The following ATRNL1 variants were observed in gnomAD, a reference collection of about 807,000 sequenced individuals.
ATRNL1 encodes the protein attractin-like protein 1.
A neutral mutation model predicts 182.7 loss-of-function variants in ATRNL1; 95 were observed. The observed-to-expected ratio is 0.52, with a 90% CI of 0.44 to 0.62. The LOEUF (loss-of-function observed/expected upper bound fraction) is 0.62, where lower values mean the gene tolerates loss of function less well. Ranked by LOEUF, ATRNL1 falls within the 20% of genes least tolerant of loss-of-function variation. The probability of loss-of-function intolerance (pLI) is 0.00; values close to 1 mark genes in which losing one functional copy is unlikely to be tolerated. For missense variants in ATRNL1, 1,471 were observed against 1,679.5 expected, an observed-to-expected ratio of 0.88 and a Z score of 2.17; for synonymous variants, 576 against 568.3, an observed-to-expected ratio of 1.01 and a Z score of -0.19.
rs1554987109 is a variant in ATRNL1 at position 115,527,980 on chromosome 10, CCCTCCCTCCCTCCCTCCCTT to C, written c.3716+8660_3716+8679del. Among the ~76,000 whole-genome samples the C allele has an allele frequency of 2.4e-3, 51 of 21,530 alleles. 1 individual carries two copies. Among genetic ancestry groups the C allele is most frequent in the Non-Finnish European group, 4.1e-3 (47 of 11,518 alleles). The allele number at this position is 21,530 out of a possible 152,430, so 14.1% of individuals were successfully genotyped here. On this transcript the variant is annotated intron_variant, in intron 25 of 28. Transcript: ENST00000355044. ...TCCTTCCCTCCCTCCCTCCTTCCCTCCCTCCCTCCCTCCCTCCCTTCCTTCCTTCCTTCCTTCCTTCCTTC... is the reference window on the plus strand; with the variant it reads ...TCCTTCCCTCCCTCCCTCCTTCCCTCCCTTCCTTCCTTCCTTCCTTCCTTC...
At chr10:115,672,254 A>G (rs1555041623) in intron 26 of ATRNL1, among the ~76,000 whole-genome samples, 2 of 152,082 alleles carry the variant, frequency 1.3e-5, no homozygotes. Context: ...AATATTAGAA[A>G]AAGGAAGCTC....
At chr10:115,560,530 A>T (rs140661582) in intron 26 of ATRNL1, among the ~76,000 whole-genome samples, 1 of 152,112 alleles carries the variant, frequency 6.6e-6, no homozygotes, top group African/African-American at 2.4e-5. Context: ...ACCTAAATAA[A>T]TGGAAAGATA....
chr10:115,761,096 C>G (rs1169185289), intron 27 of ATRNL1, among the ~76,000 whole-genome samples: 2 of 94,472 alleles, frequency 2.1e-5, no homozygotes, highest in African/African-American at 7.2e-5. Flanking sequence ...AAAGACTGCA[C>G]TGTTGGAGCT....
intron 28 of ATRNL1, among the ~76,000 whole-genome samples, chr10:115,887,291 T>C (rs1009154265): frequency 5.5e-5 from 8 of 145,042 alleles, no homozygotes; most frequent in African/African-American, 2.3e-4. Flanking sequence ...GAGCTGCTAT[T>C]ACAAAATATT....
intron 28 of ATRNL1, among the ~76,000 whole-genome samples, chr10:115,933,131 C>T (rs1295831341): frequency 6.6e-5 from 10 of 152,220 alleles, no homozygotes; most frequent in African/African-American, 2.4e-4. Context: ...TATGGTGGGA[C>T]TTCCAATTAG....
chr10:115,834,364 A>AT (rs1950622728), intron 27 of ATRNL1, among the ~76,000 whole-genome samples: 1 of 151,900 alleles, frequency 6.6e-6, no homozygotes. Context: ...TATACCTGTA[A>AT]TTTTTTCTGA....
chr10:115,525,494 A>G (rs1451165033), intron 25 of ATRNL1, among the ~76,000 whole-genome samples: 1 of 152,182 alleles, frequency 6.6e-6, no homozygotes, highest in African/African-American at 2.4e-5. Flanking sequence ...CCTCCTTATA[A>G]TACTGGTGCC....
chr10:115,323,928 C>T (rs1453783977), intron 18 of ATRNL1, among the ~76,000 whole-genome samples: 1 of 151,846 alleles, frequency 6.6e-6, no homozygotes, highest in Non-Finnish European at 1.5e-5. Context: ...CAGGCGCCTG[C>T]CACGACGCCT....
intron 5 of ATRNL1, among the ~76,000 whole-genome samples, chr10:115,133,692 C>T (rs542762772): frequency 2.0e-5 from 3 of 152,240 alleles, no homozygotes; most frequent in African/African-American, 4.8e-5. Flanking sequence ...CTGCACCAAG[C>T]GGACCTAATA....
At chr10:115,189,037 T>C (rs1168208359) in intron 8 of ATRNL1, among the ~76,000 whole-genome samples, 1 of 152,172 alleles carries the variant, frequency 6.6e-6, no homozygotes, top group African/African-American at 2.4e-5. Context: ...AGTTATGCCA[T>C]GCACAATATT....
intron 17 of ATRNL1, among the ~76,000 whole-genome samples, chr10:115,306,840 T>C (rs1052771085): frequency 3.3e-5 from 5 of 152,208 alleles, no homozygotes; most frequent in Non-Finnish European, 7.3e-5. Context: ...AATATAATTA[T>C]ACAGTGCAAA....
chr10:115,213,161 CAG>C (rs1491129738), intron 8 of ATRNL1, among the ~76,000 whole-genome samples: 4 of 151,958 alleles, frequency 2.6e-5, no homozygotes, highest in South Asian at 2.1e-4. Context: ...GTCGGTATGA[CAG>C]GGAGTTTTTG....
intron 26 of ATRNL1, among the ~76,000 whole-genome samples, chr10:115,693,035 A>G (rs1555048678): frequency 6.6e-6 from 1 of 152,114 alleles, no homozygotes; most frequent in Non-Finnish European, 1.5e-5. Context: ...TGACATATTT[A>G]TGTACTGAAG....
Position 115,549,611 on chromosome 10 carries a change from C to A in ATRNL1, c.3795+75C>A, listed in dbSNP as rs541891624. Reference sequence around the variant, plus strand: ...TGGATCTCTATTGTCTGTTAATTACCATGCTCTCTTGGAATGCAGAATTTC... The same window carrying A: ...TGGATCTCTATTGTCTGTTAATTACAATGCTCTCTTGGAATGCAGAATTTC... On this transcript the variant is annotated intron_variant, in intron 26 of 28. Coordinates refer to ENST00000355044, the MANE Select transcript of ATRNL1 (RefSeq NM_207303.4). 6.1e-5 allele frequency: 60 copies of A among 983,298 alleles called. No individual in the cohort carries two copies. The South Asian group carries it at 1.1e-3, about 18-fold the overall frequency. 60.9% of individuals were successfully genotyped at this position (983,298 alleles called of 1,614,324 possible).
At chr10:115,702,506 T>C (rs1336882137) in intron 26 of ATRNL1, among the ~76,000 whole-genome samples, 1 of 151,744 alleles carries the variant, frequency 6.6e-6, no homozygotes, top group African/African-American at 2.4e-5. Flanking sequence ...AATTCTATAC[T>C]TAGGAAACAC....
chr10:115,841,805 G>A (rs17093672), intron 27 of ATRNL1, among the ~76,000 whole-genome samples: 18,384 of 151,828 alleles, frequency 0.12, 3,482 homozygotes, highest in African/African-American at 0.41. Context: ...CAATGGAATC[G>A]GAGAATCTGT....
chr10:115,334,282 C>A lies in ATRNL1; in HGVS notation c.3038C>A (p.Ala1013Asp). The A allele has an allele frequency of 6.6e-7, 1 of 1,517,546 alleles. No homozygotes were observed. Among genetic ancestry groups the A allele is most frequent in the Non-Finnish European group, 8.9e-7 (1 of 1,118,660 alleles). The allele number at this position is 1,517,546 out of a possible 1,614,324, so 94.0% of individuals were successfully genotyped here. ...TAATGCTTTTTACTGTTTCCTTTAG[C>A]TTGCCAGTGTAATGGACATAGCACT... is the stretch of plus-strand genomic sequence containing the variant. ...NYEWSFIQCPACQCNGHSTCI... is the reference protein window; with the variant it reads ...NYEWSFIQCPDCQCNGHSTCI... Residue 1013 changes from alanine to aspartate, a missense_variant and splice_region_variant, in exon 19 of 29, where the codon GCT (alanine) becomes GAT (aspartate). By Grantham distance (126) the Ala-to-Asp change is moderately radical. Around this residue, in one of 3 missense-constraint regions of ATRNL1, gnomAD observed 437 missense variants for 506.0 expected, o/e 0.86. Transcript: ENST00000355044.
At chr10:115,097,968 A>G (rs927342907) in intron 1 of ATRNL1, among the ~76,000 whole-genome samples, 24 of 152,156 alleles carry the variant, frequency 1.6e-4, no homozygotes, top group African/African-American at 5.8e-4. Flanking sequence ...ACAAATATAT[A>G]TATATGCATA....
chr10:115,906,523 A>T (rs1347448004), intron 28 of ATRNL1, among the ~76,000 whole-genome samples: 1 of 152,196 alleles, frequency 6.6e-6, no homozygotes, highest in Non-Finnish European at 1.5e-5. Flanking sequence ...AAACAATCAC[A>T]GTAGATTATA....
Sources: gnomAD v4.1 joint callset for allele counts (sites outside exome capture counted in the v4.1 genomes callset) on GRCh38, gnomAD v4.1.1 for gene constraint, gnomAD v4.1.1 regional missense constraint, MANE v1.5 for transcripts, NCBI Gene and HGNC (gene_info 2026-07-23, HGNC 2026-07-21) for gene names.